The following STAU1 variants were observed in gnomAD, a reference collection of about 807,000 sequenced individuals.
The protein encoded by STAU1 is double-stranded RNA-binding protein Staufen homolog 1.
Under a neutral mutation model 62.9 loss-of-function variants are expected in STAU1, and 13 were observed. That is an observed-to-expected ratio of 0.21 (90% CI 0.13 to 0.33). The LOEUF (loss-of-function observed/expected upper bound fraction) is 0.33, where lower values mean the gene tolerates loss of function less well. STAU1 is among the 10% of genes least tolerant of loss of function. STAU1 has a pLI of 1.00. For synonymous variants in STAU1, 269 were observed against 265.1 expected (o/e 1.01, Z -0.14); for missense variants, 571 against 712.1 (o/e 0.80, Z 2.25).
At chr20:49,176,030 G>A (rs932408398) in intron 1 of STAU1, among the ~76,000 whole-genome samples, 3 of 151,854 alleles carry the variant, frequency 2.0e-5, no homozygotes, top group African/African-American at 4.8e-5. Flanking sequence ...TCCTGACCTC[G>A]TGATCCGCCC....
chr20:49,146,816 G>A (rs990680498), intron 5 of STAU1, among the ~76,000 whole-genome samples: 2 of 151,594 alleles, frequency 1.3e-5, no homozygotes, highest in Non-Finnish European at 2.9e-5. Flanking sequence ...TTTCATGCCT[G>A]CCTATATGAG....
At chr20:49,116,825 G>A (rs2092338150) in intron 12 of STAU1, among the ~76,000 whole-genome samples, 1 of 152,122 alleles carries the variant, frequency 6.6e-6, no homozygotes, top group South Asian at 2.1e-4. Context: ...GTTCTGGTGA[G>A]AGATGAAGTG....
chr20:49,196,444 C>CAAAAAAAAAAAAAAA, the STAU1 span, among the ~76,000 whole-genome samples: 1 of 91,536 alleles, frequency 1.1e-5, no homozygotes, highest in Non-Finnish European at 2.4e-5. Flanking sequence ...CAAAACAAAA[C>CAAAAAAAAAAAAAAA]AAAAAAAAAA....
At chr20:49,213,782 ACT>A in the STAU1 span, among the ~76,000 whole-genome samples, 1 of 152,190 alleles carries the variant, frequency 6.6e-6, no homozygotes, top group Non-Finnish European at 1.5e-5. Flanking sequence ...TCTCTTTCAA[ACT>A]CTGTTTTCAA....
At chr20:49,172,831 T>C (rs550680580) in intron 2 of STAU1, among the ~76,000 whole-genome samples, 1 of 151,998 alleles carries the variant, frequency 6.6e-6, no homozygotes, top group Non-Finnish European at 1.5e-5. Context: ...GCCTCACTTG[T>C]AGCAATCACT....
rs1272077522 is a variant in STAU1 at position 49,117,343 on chromosome 20, GCT to G, written c.1510-97_1510-96del. ...CCAGGCCCCACAAGCAAGATCACCA[GCT>G]CTTTTTTCCAACTCAGCCCCACTGT... On this transcript the variant is annotated intron_variant, in intron 11 of 13. Coordinates refer to ENST00000371856, the MANE Select transcript of STAU1 (RefSeq NM_017453.4). This position sits in a 1 kb window ranked among gnomAD's most constrained non-coding sequence, Gnocchi z 4.6. 6.7e-7 allele frequency: 1 copy of G among 1,490,180 alleles called. No individual in the cohort carries two copies. The highest frequency in any genetic ancestry group is 9.2e-7 in the Non-Finnish European group (1 of 1,092,522). The allele number at this position is 1,490,180 out of a possible 1,614,324, so 92.3% of individuals were successfully genotyped here.
At chr20:49,116,991 A>G in intron 12 of STAU1, 135 bp downstream of exon 12, 1 of 1,165,732 alleles carries the variant, frequency 8.6e-7, no homozygotes, top group South Asian at 1.5e-5. Context: ...TATGAACACT[A>G]TCAAACGATT....
chr20:49,187,596 G>A (rs147098648), intron 1 of STAU1, among the ~76,000 whole-genome samples: 1 of 152,244 alleles, frequency 6.6e-6, no homozygotes, highest in Non-Finnish European at 1.5e-5. Flanking sequence ...AGGCAGGGAC[G>A]GTATTAGCAG....
chr20:49,215,080 C>A, the STAU1 span, among the ~76,000 whole-genome samples: 2 of 152,204 alleles, frequency 1.3e-5, no homozygotes, highest in African/African-American at 4.8e-5. Flanking sequence ...GCGCAGGCTC[C>A]TTCCAGCTCT....
intron 2 of STAU1, among the ~76,000 whole-genome samples, chr20:49,171,444 C>T (rs2093595578): frequency 6.6e-6 from 1 of 152,110 alleles, no homozygotes; most frequent in African/African-American, 2.4e-5. Flanking sequence ...TACAGGTGCC[C>T]GCCACCACGC....
At chr20:49,124,627 C>T in intron 6 of STAU1, 40 bp from the exon 7 acceptor site, 2 of 1,607,398 alleles carry the variant, frequency 1.2e-6, no homozygotes, top group South Asian at 2.2e-5. Flanking sequence ...CGGACAGACA[C>T]TTATTAAAAG....
At chr20:49,157,699 T>C (rs989096360) in intron 3 of STAU1, among the ~76,000 whole-genome samples, 1 of 151,902 alleles carries the variant, frequency 6.6e-6, no homozygotes, top group Non-Finnish European at 1.5e-5. Flanking sequence ...AGGATGGTCT[T>C]GGTCTCTTGA....
At chr20:49,169,356 T>G (rs755846415) in intron 2 of STAU1, among the ~76,000 whole-genome samples, 2 of 152,166 alleles carry the variant, frequency 1.3e-5, no homozygotes, top group Non-Finnish European at 2.9e-5. Context: ...CCCACATAAC[T>G]CAAGGAACAA....
At position 49,159,094 on chromosome 20, in the gene STAU1, T is replaced by C. The variant is rs1485103324; in HGVS notation, c.206-5023A>G. The C allele has an allele frequency of 2.6e-6, 3 of 1,158,516 alleles. No individual in the cohort carries two copies. The African/African-American group carries it at 5.0e-5, about 19-fold the overall frequency. 71.8% of individuals were successfully genotyped at this position (1,158,516 alleles called of 1,614,324 possible). A position where few individuals can be genotyped will look rare whatever the true frequency, so the allele number is the denominator to read the frequency against. On this transcript the variant is annotated intron_variant, in intron 3 of 13. Transcript: ENST00000371856. ...GGCAGAAGCCTGCAACGCAGTACAA[T>C]CCCTGGGTCATCTTGGTGATTGTCT... is the stretch of plus-strand genomic sequence containing the variant.
At chr20:49,189,201 C>CAAAAAAAAAAAAAAAAAAAAAAA (rs545643816), upstream of STAU1, among the ~76,000 whole-genome samples, 2 of 33,596 alleles carry the variant, frequency 6.0e-5, 1 homozygote, top group Non-Finnish European at 1.0e-4. Context: ...ACACTGGTCT[C>CAAAAAAAAAAAAAAAAAAAAAAA]AAAAAAAAAA....
At chr20:49,133,609 A>G (rs536957955) in intron 6 of STAU1, among the ~76,000 whole-genome samples, 2 of 152,190 alleles carry the variant, frequency 1.3e-5, no homozygotes, top group East Asian at 1.9e-4. Flanking sequence ...TCCCTCCCCA[A>G]GTGCATCCCA....
At chr20:49,142,016 G>C (rs1432329052) in intron 5 of STAU1, among the ~76,000 whole-genome samples, 2 of 152,014 alleles carry the variant, frequency 1.3e-5, no homozygotes, top group Non-Finnish European at 2.9e-5. Context: ...TTGAGGCCTG[G>C]AGTTTGAGAC....
the STAU1 span, among the ~76,000 whole-genome samples, chr20:49,205,363 GT>G: frequency 0.017 from 2,017 of 118,046 alleles, 12 homozygotes; most frequent in Admixed American, 0.033. Flanking sequence ...CTTTATGACA[GT>G]TTTTTTTTTT....
chr20:49,137,714 G>A (rs2092918703), intron 5 of STAU1, among the ~76,000 whole-genome samples: 1 of 151,792 alleles, frequency 6.6e-6, no homozygotes, highest in African/African-American at 2.4e-5. Context: ...CGCCCAGGCT[G>A]GAGTCCAATG....
Sources: gnomAD v4.1 joint callset for allele counts (sites outside exome capture counted in the v4.1 genomes callset) on GRCh38, gnomAD v4.1.1 for gene constraint, Gnocchi (gnomAD v3.1) non-coding constraint, MANE v1.5 for transcripts, NCBI Gene and HGNC (gene_info 2026-07-23, HGNC 2026-07-21) for gene names.